The following FTCDNL1 variants were observed in gnomAD, a reference collection of about 807,000 sequenced individuals.
FTCDNL1 encodes formiminotransferase N-terminal subdomain-containing protein.
A neutral mutation model predicts 5.9 loss-of-function variants in FTCDNL1; 11 were observed. The observed-to-expected ratio is 1.87, with a 90% CI of 1.18 to 3.10. The LOEUF (loss-of-function observed/expected upper bound fraction) is 3.10, where lower values mean the gene tolerates loss of function less well. Ranked by LOEUF, FTCDNL1 falls within the 30% of genes most tolerant of loss-of-function variation. FTCDNL1 has a pLI of 0.00. For synonymous variants in FTCDNL1, 58 were observed against 24.8 expected (o/e 2.34, Z -3.99); for missense variants, 115 against 65.5 (o/e 1.76, Z -2.61).
chr2:199,666,616 C>G, the FTCDNL1 span, among the ~76,000 whole-genome samples: 1 of 152,086 alleles, frequency 6.6e-6, no homozygotes, highest in Non-Finnish European at 1.5e-5. Context: ...TGGCAATAAC[C>G]TTAATGATGT....
At chr2:199,747,492 A>T in the FTCDNL1 span, among the ~76,000 whole-genome samples, 1 of 151,978 alleles carries the variant, frequency 6.6e-6, no homozygotes, top group Non-Finnish European at 1.5e-5. Flanking sequence ...ATGAGAGAAG[A>T]ACGTTGTAAT....
At chr2:199,683,654 C>G in the FTCDNL1 span, among the ~76,000 whole-genome samples, 1 of 151,428 alleles carries the variant, frequency 6.6e-6, no homozygotes, top group Non-Finnish European at 1.5e-5. Flanking sequence ...ATGGAGCAGC[C>G]CGTGCACATT....
At chr2:199,696,131 C>T in the FTCDNL1 span, among the ~76,000 whole-genome samples, 16 of 152,182 alleles carry the variant, frequency 1.1e-4, no homozygotes, top group African/African-American at 3.9e-4. Context: ...CCGCAGCTTC[C>T]CACACCACTT....
At chr2:199,727,644 T>C in the FTCDNL1 span, among the ~76,000 whole-genome samples, 1 of 152,110 alleles carries the variant, frequency 6.6e-6, no homozygotes. Flanking sequence ...GCTGAAGCTG[T>C]AGGATTCACT....
At chr2:199,815,165 A>T (rs538188550) in intron 4 of FTCDNL1, among the ~76,000 whole-genome samples, 2 of 152,238 alleles carry the variant, frequency 1.3e-5, no homozygotes, top group Non-Finnish European at 2.9e-5. Context: ...AAAAGTATCA[A>T]CTATTACTGC....
At chr2:199,705,949 T>A in the FTCDNL1 span, among the ~76,000 whole-genome samples, 3 of 152,158 alleles carry the variant, frequency 2.0e-5, no homozygotes, top group African/African-American at 7.2e-5. Flanking sequence ...AAGCCTTCAT[T>A]CTTGAGGGCT....
intron 3 of FTCDNL1, among the ~76,000 whole-genome samples, chr2:199,795,751 G>C (rs1446745303): frequency 6.6e-6 from 1 of 152,126 alleles, no homozygotes; most frequent in Non-Finnish European, 1.5e-5. Context: ...GAGCAGGGGG[G>C]CCCTCTGTGC....
At chr2:199,795,569 C>T (rs964744930) in intron 3 of FTCDNL1, among the ~76,000 whole-genome samples, 10 of 152,172 alleles carry the variant, frequency 6.6e-5, no homozygotes, top group Admixed American at 4.6e-4. Context: ...GCAGGGACTT[C>T]GTCTTATTCA....
intron 3 of FTCDNL1, among the ~76,000 whole-genome samples, chr2:199,779,801 G>A (rs577868864): frequency 7.2e-5 from 11 of 152,302 alleles, no homozygotes; most frequent in South Asian, 2.1e-4. Flanking sequence ...AGATGGTGAC[G>A]TCAGTCCTAA....
downstream of FTCDNL1, among the ~76,000 whole-genome samples, chr2:199,759,019 T>C (rs150304275): frequency 7.9e-5 from 12 of 152,290 alleles, no homozygotes; most frequent in East Asian, 2.3e-3. Context: ...CAGTGTAATA[T>C]TTGTTTTTAA....
the FTCDNL1 span, among the ~76,000 whole-genome samples, chr2:199,710,673 T>G: frequency 6.6e-6 from 1 of 152,244 alleles, no homozygotes; most frequent in Non-Finnish European, 1.5e-5. Context: ...CTTCACTATC[T>G]AGCTGTGCAT....
chr2:199,790,672 T>G (rs961490513), intron 3 of FTCDNL1, among the ~76,000 whole-genome samples: 1 of 152,028 alleles, frequency 6.6e-6, no homozygotes, highest in Non-Finnish European at 1.5e-5. Context: ...GACAAACATA[T>G]TCCTTAAACA....
chr2:199,745,795 C>T, the FTCDNL1 span, among the ~76,000 whole-genome samples: 2 of 152,146 alleles, frequency 1.3e-5, no homozygotes, highest in Non-Finnish European at 2.9e-5. Context: ...GCATATTGCA[C>T]GCAGATCAGA....
chr2:199,667,448 G>C, the FTCDNL1 span, among the ~76,000 whole-genome samples: 2 of 151,738 alleles, frequency 1.3e-5, no homozygotes, highest in African/African-American at 4.8e-5. Context: ...ACTAGCCAGG[G>C]CAACATAGTG....
At chr2:199,665,164 G>A in the FTCDNL1 span, among the ~76,000 whole-genome samples, 1 of 152,082 alleles carries the variant, frequency 6.6e-6, no homozygotes, top group East Asian at 1.9e-4. Flanking sequence ...CAGAAACCTG[G>A]GGATGGGCAT....
chr2:199,709,820 A>C, the FTCDNL1 span, among the ~76,000 whole-genome samples: 1 of 152,132 alleles, frequency 6.6e-6, no homozygotes, highest in Non-Finnish European at 1.5e-5. Flanking sequence ...TTTTTGTAAA[A>C]ATAGGCATTC....
chr2:199,666,037 A>T, the FTCDNL1 span, among the ~76,000 whole-genome samples: 1 of 152,248 alleles, frequency 6.6e-6, no homozygotes, highest in African/African-American at 2.4e-5. Context: ...AGAGCAGCTC[A>T]GTCACTTCCT....
chr2:199,789,936 GAC>G (rs1231326097), intron 3 of FTCDNL1, among the ~76,000 whole-genome samples: 1 of 152,078 alleles, frequency 6.6e-6, no homozygotes, highest in Non-Finnish European at 1.5e-5. Flanking sequence ...CTCTACTGAA[GAC>G]ATAAAATAAG....
downstream of FTCDNL1, among the ~76,000 whole-genome samples, chr2:199,757,327 G>A (rs1053572102): frequency 6.6e-6 from 1 of 152,144 alleles, no homozygotes; most frequent in South Asian, 2.1e-4. Flanking sequence ...CCAAGGAAAG[G>A]GGTGCCACTA....
Sources: allele counts gnomAD v4.1 joint callset (sites outside exome capture counted in the v4.1 genomes callset), GRCh38; gene constraint gnomAD v4.1.1; transcripts MANE v1.5; gene names NCBI Gene and HGNC (gene_info 2026-07-23, HGNC 2026-07-21).